ENOX1: variants seen among roughly 807,000 people sequenced by gnomAD.
ENOX1 encodes the protein ecto-NOX disulfide-thiol exchanger 1, also known as candidate growth-related and time keeping constitutive hydroquinone (NADH) oxidase.
Under a neutral mutation model 82.5 loss-of-function variants are expected in ENOX1, and 42 were observed. The observed-to-expected ratio is 0.51, with a 90% CI of 0.40 to 0.66. The LOEUF is 0.66. ENOX1 is among the 30% of genes least tolerant of loss of function. ENOX1 has a pLI of 0.00. For missense variants in ENOX1, 608 were observed against 811.6 expected (o/e 0.75, Z 3.05); for synonymous variants, 271 against 282.2 (o/e 0.96, Z 0.40).
At chr13:43,462,518 C>T (rs1044162829) in intron 3 of ENOX1, among the ~76,000 whole-genome samples, 1 of 152,152 alleles carries the variant, frequency 6.6e-6, no homozygotes, top group African/African-American at 2.4e-5. Context: ...TTCTGTAAAG[C>T]GATCTCAAAC....
intron 11 of ENOX1, among the ~76,000 whole-genome samples, chr13:43,317,781 G>A (rs557403343): frequency 3.9e-5 from 6 of 152,008 alleles, no homozygotes; most frequent in Admixed American, 2.6e-4. Flanking sequence ...CGAGGTGAGC[G>A]GCTCACTAAG....
At chr13:43,307,288 T>C (rs1349765177) in intron 11 of ENOX1, among the ~76,000 whole-genome samples, 1 of 152,200 alleles carries the variant, frequency 6.6e-6, no homozygotes. Flanking sequence ...GGACCCAGTA[T>C]GAACAGGTAG....
At chr13:43,627,696 T>C (rs1200164675) in intron 2 of ENOX1, among the ~76,000 whole-genome samples, 2 of 152,240 alleles carry the variant, frequency 1.3e-5, no homozygotes, top group East Asian at 3.9e-4. Context: ...CACATGCTTT[T>C]GTTTACTGTG....
At chr13:43,566,333 G>C (rs892849688) in intron 2 of ENOX1, among the ~76,000 whole-genome samples, 5 of 152,010 alleles carry the variant, frequency 3.3e-5, no homozygotes, top group Admixed American at 2.6e-4. Context: ...CACAGTCAAT[G>C]AACTTGGTGA....
chr13:43,365,097 T>C (rs1594160434), intron 5 of ENOX1, among the ~76,000 whole-genome samples: 1 of 152,206 alleles, frequency 6.6e-6, no homozygotes, highest in African/African-American at 2.4e-5. Context: ...CTCCGGTGCC[T>C]GGGCCGCCCT....
At chr13:43,458,017 A>G (rs926975126) in intron 3 of ENOX1, among the ~76,000 whole-genome samples, 2 of 152,134 alleles carry the variant, frequency 1.3e-5, no homozygotes, top group African/African-American at 2.4e-5. Context: ...ACTTGAATAT[A>G]TGTTTATTTT....
At chr13:43,243,634 T>A (rs1005951904) in intron 14 of ENOX1, among the ~76,000 whole-genome samples, 1 of 152,212 alleles carries the variant, frequency 6.6e-6, no homozygotes, top group Non-Finnish European at 1.5e-5. Flanking sequence ...CCTCCTACTT[T>A]GTCTCTGCCT....
intron 1 of ENOX1, among the ~76,000 whole-genome samples, chr13:43,781,919 G>A (rs1952291511): frequency 6.6e-6 from 1 of 152,202 alleles, no homozygotes; most frequent in African/African-American, 2.4e-5. Context: ...ATCCTGGAGG[G>A]TGGCAAACAG....
intron 8 of ENOX1, among the ~76,000 whole-genome samples, chr13:43,355,116 C>T (rs1302503784): frequency 6.6e-6 from 1 of 152,194 alleles, no homozygotes; most frequent in Non-Finnish European, 1.5e-5. Context: ...TCAGGAGGGT[C>T]TGACCATCAT....
chr13:43,779,885 G>A (rs1038009387), intron 1 of ENOX1, among the ~76,000 whole-genome samples: 7 of 152,116 alleles, frequency 4.6e-5, no homozygotes, highest in Non-Finnish European at 8.8e-5. Flanking sequence ...GGCCGGGCGT[G>A]GTGGCTCACA....
rs368325111 is a variant in ENOX1 at position 43,613,176 on chromosome 13, TTTA to T, written c.-219+54300_-219+54302del. ...ATACATACATACCTCCTTAATAAATTTTATTGTTTACTAGTCCATCTTCAAAAG... is the reference window on the plus strand; with the variant it reads ...ATACATACATACCTCCTTAATAAATTTTGTTTACTAGTCCATCTTCAAAAG... On this transcript the variant is annotated intron_variant, in intron 2 of 16. Coordinates refer to ENST00000690772, the MANE Select transcript of ENOX1 (RefSeq NM_001347969.2). Among the ~76,000 whole-genome samples the T allele has an allele frequency of 2.8e-3, 431 of 152,254 alleles. 3 individuals are homozygous for T. The highest frequency in any genetic ancestry group is 0.01 in the African/African-American group (421 of 41,558).
chr13:43,294,716 G>A (rs548282510), intron 12 of ENOX1, among the ~76,000 whole-genome samples: 110 of 152,232 alleles, frequency 7.2e-4, no homozygotes, highest in African/African-American at 2.6e-3. Context: ...GTCCTAAACT[G>A]GAAACTATCC....
chr13:43,398,370 T>C (rs1301598983), intron 5 of ENOX1, among the ~76,000 whole-genome samples: 1 of 152,154 alleles, frequency 6.6e-6, no homozygotes. Flanking sequence ...GATTTTTTTG[T>C]TTGTTTCTCC....
At chr13:43,252,640 C>G (rs1407178133) in intron 14 of ENOX1, among the ~76,000 whole-genome samples, 1 of 152,176 alleles carries the variant, frequency 6.6e-6, no homozygotes, top group South Asian at 2.1e-4. Context: ...AGGAGATAAA[C>G]ATTGAGGTGC....
At chr13:43,418,077 C>T (rs1016305982) in intron 3 of ENOX1, among the ~76,000 whole-genome samples, 9 of 152,004 alleles carry the variant, frequency 5.9e-5, no homozygotes, top group East Asian at 1.9e-4. Context: ...GCAATGGTGG[C>T]GCATGCCTGT....
At chr13:43,737,911 A>G (rs919163088) in intron 1 of ENOX1, among the ~76,000 whole-genome samples, 1 of 152,178 alleles carries the variant, frequency 6.6e-6, no homozygotes, top group African/African-American at 2.4e-5. Context: ...TATATCCCCC[A>G]CAGCAGATCA....
At chr13:43,473,079 T>C (rs547628932) in intron 3 of ENOX1, among the ~76,000 whole-genome samples, 1 of 152,344 alleles carries the variant, frequency 6.6e-6, no homozygotes, top group South Asian at 2.1e-4. Context: ...ATGGGTCTTG[T>C]ATTATCATTT....
At chr13:43,339,326 A>C (rs1039897785) in intron 9 of ENOX1, among the ~76,000 whole-genome samples, 2 of 152,198 alleles carry the variant, frequency 1.3e-5, no homozygotes, top group Admixed American at 6.5e-5. Flanking sequence ...TCCAAATGAA[A>C]GCAAGAACAA....
chr13:43,219,240 G>A (rs749386249), intron 16 of ENOX1, among the ~76,000 whole-genome samples: 4 of 152,156 alleles, frequency 2.6e-5, no homozygotes, highest in Admixed American at 6.5e-5. Flanking sequence ...AATCCAGCCC[G>A]GCTTTCAGAG....
Sources: allele counts gnomAD v4.1 joint callset (sites outside exome capture counted in the v4.1 genomes callset), GRCh38; gene constraint gnomAD v4.1.1; transcripts MANE v1.5; gene names NCBI Gene and HGNC (gene_info 2026-07-23, HGNC 2026-07-21).